Variants in RMDN3 observed in about 807,000 individuals in gnomAD.
RMDN3 encodes the protein regulator of microtubule dynamics protein 3.
Under a neutral mutation model 61.8 loss-of-function variants are expected in RMDN3, and 41 were observed. That is an observed-to-expected ratio of 0.66 (90% CI 0.52 to 0.86). The LOEUF (loss-of-function observed/expected upper bound fraction) is 0.86. Among genes scored for constraint, RMDN3 ranks in the 40% least tolerant of loss-of-function variants. RMDN3 has a pLI of 0.00. For synonymous variants in RMDN3, 247 were observed against 232.0 expected (o/e 1.06, Z -0.59); for missense variants, 557 against 585.3 (o/e 0.95, Z 0.50).
At chr15:40,738,997 A>C (rs1166753937) in intron 7 of RMDN3, 1 of 163,680 alleles carries the variant, frequency 6.1e-6, no homozygotes, top group Non-Finnish European at 1.3e-5. Flanking sequence ...TTAGCCTTTA[A>C]GCATACAGGT....
chr15:40,736,700 TAC>T lies in RMDN3; in HGVS notation c.1360-108_1360-107del, dbSNP rs1567060353. 5.2e-6 allele frequency: 5 copies of T among 953,690 alleles called. No individual in the cohort carries two copies. In the South Asian group the frequency reaches 5.7e-5, roughly 11 times the overall value. The allele number at this position is 953,690 out of a possible 1,614,324, so 59.1% of individuals were successfully genotyped here. ...CCTTTGCTTCCTTCCTGAGCTCTGC[TAC>T]AGTCTTTTTCCTACTTCCCCAGGAT... On this transcript the variant is annotated intron_variant, in intron 12 of 12. Transcript: ENST00000338376.
chr15:40,744,468 AGT>A (rs201121554), intron 5 of RMDN3, among the ~76,000 whole-genome samples: 2,109 of 150,252 alleles, frequency 0.014, 25 homozygotes, highest in South Asian at 0.057. Context: ...ACATGAAGAA[AGT>A]GTGAAAGGAA....
Position 40,740,203 on chromosome 15 carries a change from G to A in RMDN3, c.911-10C>T, listed in dbSNP as rs370756224. On this transcript the variant is annotated splice_polypyrimidine_tract_variant and intron_variant, in intron 6 of 12. Transcript: ENST00000338376. ...TCTGCTTCTTCTTTTCCTGTAGGAC[G>A]AAGGTAGATCCAGAGTTGACATAGC... 35 of 1,600,964 alleles carry A rather than the reference G, an allele frequency of 2.2e-5. No homozygotes were observed. The highest frequency in any genetic ancestry group is 2.1e-4 in the African/African-American group (16 of 74,694).
intron 3 of RMDN3, 174 bp from the exon 4 acceptor site, chr15:40,751,743 C>T: frequency 1.0e-6 from 1 of 970,470 alleles, no homozygotes; most frequent in Non-Finnish European, 1.6e-6. Flanking sequence ...GCCCAGCCCG[C>T]ACAGACAGAC....
chr15:40,744,175 G>A, intron 5 of RMDN3, 26 bp from the exon 6 acceptor site: 1 of 1,608,230 alleles, frequency 6.2e-7, no homozygotes, highest in South Asian at 1.1e-5. Flanking sequence ...AAACGGGTGA[G>A]GCCCCTTTTT....
At chr15:40,738,447 A>C (rs1292615820) in intron 8 of RMDN3, 54 bp downstream of exon 8, 1 of 1,569,988 alleles carries the variant, frequency 6.4e-7, no homozygotes, top group Non-Finnish European at 8.8e-7. Flanking sequence ...GCTGGAAAGG[A>C]GTGGGGAATC....
chr15:40,746,495 C>T (rs8033829), intron 4 of RMDN3, among the ~76,000 whole-genome samples: 74,406 of 145,478 alleles, frequency 0.51, 19,393 homozygotes, highest in East Asian at 0.77. Flanking sequence ...CCACCCTGGG[C>T]GACAGAGCAA....
chr15:40,754,994 T>C, intron 1 of RMDN3, 89 bp downstream of exon 1: 1 of 542,948 alleles, frequency 1.8e-6, no homozygotes, highest in Non-Finnish European at 3.3e-6. Context: ...CCACTGCCTC[T>C]CTTCTCACCC....
chr15:40,754,590 C>T lies in RMDN3; in HGVS notation c.187+7G>A. ...AGTGACCGCGGTCTCAGGAGACGGGCTCCTACCGTGGCGTCCGGGATCTGA... is the reference window on the plus strand; with the variant it reads ...AGTGACCGCGGTCTCAGGAGACGGGTTCCTACCGTGGCGTCCGGGATCTGA... On this transcript the variant is annotated splice_region_variant and intron_variant, in intron 2 of 12. Coordinates refer to ENST00000338376, the MANE Select transcript of RMDN3 (RefSeq NM_018145.3). The T allele has an allele frequency of 6.2e-7, 1 of 1,607,956 alleles. No individual in the cohort carries two copies. The highest frequency in any genetic ancestry group is 8.5e-7 in the Non-Finnish European group (1 of 1,176,172).
In RMDN3 at chr15:40,744,971, C is replaced by A. The variant is rs752098017; in HGVS notation, c.807+6G>T. On this transcript the variant is annotated splice_donor_region_variant and intron_variant, in intron 5 of 12. Coordinates refer to ENST00000338376, the MANE Select transcript of RMDN3 (RefSeq NM_018145.3). ...AGGAGAAGGAGACAGGCAGCTGGAG[C>A]CTCACCACCAGCTTGTTGTTGAGCA... 4.4e-6 allele frequency: 7 copies of A among 1,588,228 alleles called. No individual in the cohort carries two copies. The South Asian group carries it at 7.9e-5, about 18-fold the overall frequency.
Position 40,754,709 on chromosome 15 carries a change from T to G in RMDN3, c.75A>C (p.Gly25=), listed in dbSNP as rs1333809866. ...GLLLGTAAGL[G]FLCLLYSQRW... ...GCTGGCTGTAAAGGAGGCACAGGAATCCAAGGCCGGCGGCGGTACCCAGCA... is the reference window on the plus strand; with the variant it reads ...GCTGGCTGTAAAGGAGGCACAGGAAGCCAAGGCCGGCGGCGGTACCCAGCA... The change falls in exon 2 of 13, where the codon GGA becomes GGC. Residue 25 remains glycine (G), a synonymous_variant. Coordinates refer to ENST00000338376, the MANE Select transcript of RMDN3 (RefSeq NM_018145.3). The G allele has an allele frequency of 1.9e-6, 3 of 1,613,690 alleles. No homozygotes were observed. The highest frequency in any genetic ancestry group is 2.2e-5 in the East Asian group (1 of 44,850).
chr15:40,737,033 A>G, intron 12 of RMDN3, 91 bp downstream of exon 12: 1 of 1,031,186 alleles, frequency 9.7e-7, no homozygotes, highest in Admixed American at 1.8e-5. Flanking sequence ...TTGTAATTTT[A>G]GTAGAGATGG....
At position 40,737,972 on chromosome 15, in the gene RMDN3, C is replaced by T. The variant is rs759639779; in HGVS notation, c.1118G>A (p.Cys373Tyr). The change falls in exon 9 of 13, where the codon TGC becomes TAC. Residue 373 changes from cysteine (C) to tyrosine (Y), a missense_variant. Physicochemically the swap from Cys to Tyr is radical, Grantham distance 194. Transcript: ENST00000338376. ...CACTGAAACGCAGCTTACCTGATAG[C>T]ACCACCTGCCAAGAAGAAAGTGAGC... is the stretch of plus-strand genomic sequence containing the variant. ...PMAHFLLGRWCYQVSHLSWLE... is the reference protein window; with the variant it reads ...PMAHFLLGRWYYQVSHLSWLE... 21 of 1,614,160 alleles carry T rather than the reference C, an allele frequency of 1.3e-5. No individual in the cohort carries two copies. Among genetic ancestry groups the T allele is most frequent in the Non-Finnish European group, 1.5e-5 (18 of 1,180,012 alleles).
intron 6 of RMDN3, among the ~76,000 whole-genome samples, chr15:40,741,619 G>GTT (rs1333820266): frequency 1.6e-5 from 1 of 60,990 alleles, no homozygotes; most frequent in African/African-American, 5.4e-5. Flanking sequence ...TGCAACATAG[G>GTT]ATTTTTTTTT....
chr15:40,739,972 C>G (rs976995964), intron 7 of RMDN3, among the ~76,000 whole-genome samples, 161 bp downstream of exon 7: 41 of 152,216 alleles, frequency 2.7e-4, no homozygotes, highest in African/African-American at 9.9e-4. Flanking sequence ...CTTCCCTTGT[C>G]TCTGGCTAGG....
In RMDN3 at chr15:40,741,952, T is replaced by G. The variant is rs185651757; in HGVS notation, c.911-1759A>C. ...AAGAATTCTTTGAAGAAAACAAGTT[T>G]GGAAGGGAACATGGAGAAAATGGAA... On this transcript the variant is annotated intron_variant, in intron 6 of 12. Coordinates refer to ENST00000338376, the MANE Select transcript of RMDN3 (RefSeq NM_018145.3). 1.0e-3 allele frequency among the ~76,000 whole-genome samples: 155 copies of G among 151,898 alleles called. 3 individuals are homozygous for G. In the East Asian group the frequency reaches 0.026, roughly 25 times the overall value.
At chr15:40,750,481 C>T (rs2141923747) in intron 4 of RMDN3, among the ~76,000 whole-genome samples, 1 of 151,986 alleles carries the variant, frequency 6.6e-6, no homozygotes, top group East Asian at 1.9e-4. Context: ...TGGCCTCCCC[C>T]AGGTAGTTAT....
rs1350934040 is a variant in RMDN3 at position 40,737,699 on chromosome 15, T to G, written c.1153A>C (p.Lys385Gln). The change falls in exon 10 of 13, where the codon AAA becomes CAA. Residue 385 changes from lysine to glutamine, a missense_variant. Lys to Gln is a moderately conservative substitution (Grantham distance 53, BLOSUM62 1). Transcript: ENST00000338376. ...QVSHLSWLEKKTATALLESPL... is the reference protein window; with the variant it reads ...QVSHLSWLEKQTATALLESPL... ...CTTTCAAGCAAGGCTGTAGCAGTTTTTTTTTCTAGCCAGCTCAGGTGAGAG... is the reference window on the plus strand; with the variant it reads ...CTTTCAAGCAAGGCTGTAGCAGTTTGTTTTTCTAGCCAGCTCAGGTGAGAG... The G allele has an allele frequency of 5.0e-6, 8 of 1,614,216 alleles. No individual in the cohort carries two copies. The highest frequency in any genetic ancestry group is 5.9e-6 in the Non-Finnish European group (7 of 1,180,036).
intron 2 of RMDN3, among the ~76,000 whole-genome samples, chr15:40,753,711 C>T (rs1017383060): frequency 9.9e-5 from 15 of 152,134 alleles, no homozygotes; most frequent in Admixed American, 5.9e-4. Flanking sequence ...AGCCCTATGC[C>T]GTAGAAAGTC....
Sources: allele counts gnomAD v4.1 joint callset (sites outside exome capture counted in the v4.1 genomes callset), GRCh38; gene constraint gnomAD v4.1.1; transcripts MANE v1.5; gene names NCBI Gene and HGNC (gene_info 2026-07-23, HGNC 2026-07-21).